The following CUX2 variants were observed in gnomAD, a reference collection of about 807,000 sequenced individuals.
CUX2 encodes the protein cut like homeobox 2, also known as homeobox protein cut-like 2.
CUX2 carries 40 observed loss-of-function variants against 144.8 expected under a neutral mutation model. That is an observed-to-expected ratio of 0.28 (90% CI 0.21 to 0.36). The LOEUF (loss-of-function observed/expected upper bound fraction) is 0.36. Among genes scored for constraint, CUX2 ranks in the 10% least tolerant of loss-of-function variants. The pLI is 1.00. For missense variants in CUX2, 1,615 were observed against 1,994.0 expected (o/e 0.81, Z 3.62); for synonymous variants, 827 against 875.6 (o/e 0.94, Z 0.98).
At position 111,255,118 on chromosome 12, in the gene CUX2, T is replaced by C. The variant is rs762427373; in HGVS notation, c.223-8643T>C. Among the ~76,000 whole-genome samples, 1 of 152,204 alleles carries C rather than the reference T, an allele frequency of 6.6e-6. No homozygotes were observed. Among genetic ancestry groups the C allele is most frequent in the Non-Finnish European group, 1.5e-5 (1 of 68,036 alleles). ...TCCCAAAGTGCTGGGATTACAGGCG[T>C]GAGCCACCGCACCCAACCTTAATCA... On this transcript the variant is annotated intron_variant, in intron 3 of 21. Transcript: ENST00000261726. This position sits in a 1 kb window ranked among gnomAD's most constrained non-coding sequence, Gnocchi z 4.1.
chr12:111,142,625 T>C (rs1479606942), intron 1 of CUX2, among the ~76,000 whole-genome samples: 3 of 152,130 alleles, frequency 2.0e-5, no homozygotes, highest in Admixed American at 6.5e-5. Context: ...TTTTTCCTTA[T>C]GAGAAGTGCT....
At chr12:111,045,694 G>A (rs990721403) in intron 1 of CUX2, among the ~76,000 whole-genome samples, 1 of 152,174 alleles carries the variant, frequency 6.6e-6, no homozygotes, top group African/African-American at 2.4e-5. Context: ...CGCTGGGCTC[G>A]GAGCAGTCAG....
intron 1 of CUX2, among the ~76,000 whole-genome samples, chr12:111,108,453 T>C (rs1205444651): frequency 6.6e-6 from 1 of 152,228 alleles, no homozygotes; most frequent in African/African-American, 2.4e-5. Flanking sequence ...ATTGCTATGG[T>C]GTTTGCCAAA....
At chr12:111,252,009 A>C (rs1883585710) in intron 3 of CUX2, among the ~76,000 whole-genome samples, 4 of 151,960 alleles carry the variant, frequency 2.6e-5, no homozygotes, top group Non-Finnish European at 4.4e-5. Flanking sequence ...GCAAGACCCC[A>C]CCTCTACAAA....
chr12:111,040,872 A>G (rs1264636094), intron 1 of CUX2, among the ~76,000 whole-genome samples: 3 of 152,318 alleles, frequency 2.0e-5, no homozygotes, highest in African/African-American at 7.2e-5. Context: ...ATTTATACAA[A>G]CAGGCAGGGG....
Position 111,299,886 on chromosome 12 carries a change from G to T in CUX2, c.753+1297G>T, listed in dbSNP as rs1293125927. On this transcript the variant is annotated intron_variant, in intron 9 of 21. Transcript: ENST00000261726. The stretch of plus-strand genomic sequence containing the variant: ...CAAGCCCACGAATATATCTTTTTGT[G>T]GGGGGCAAGGGGGACAGGGTCATAC... Among the ~76,000 whole-genome samples, 7 of 151,988 alleles carry T rather than the reference G, an allele frequency of 4.6e-5. No homozygotes were observed. In the South Asian group the frequency reaches 1.0e-3, roughly 22 times the overall value.
chr12:111,041,901 G>A lies in CUX2; in HGVS notation c.63+7661G>A, dbSNP rs146647790. Among the ~76,000 whole-genome samples the A allele has an allele frequency of 6.6e-5, 10 of 152,276 alleles. No homozygotes were observed. In the East Asian group the frequency reaches 9.6e-4, roughly 15 times the overall value. On this transcript the variant is annotated intron_variant, in intron 1 of 21. Coordinates refer to ENST00000261726, the MANE Select transcript of CUX2 (RefSeq NM_015267.4). Reference sequence around the variant, plus strand: ...TCCTGACCAATGCATGAAGATACCCGGTTAGTAGGGTTCAGAGCCTGCTGT... The same window carrying A: ...TCCTGACCAATGCATGAAGATACCCAGTTAGTAGGGTTCAGAGCCTGCTGT...
chr12:111,310,869 C>T lies in CUX2; in HGVS notation c.1900+187C>T, dbSNP rs1886864247. Among the ~76,000 whole-genome samples the T allele has an allele frequency of 6.6e-6, 1 of 152,240 alleles. No individual in the cohort carries two copies. Among genetic ancestry groups the T allele is most frequent in the Non-Finnish European group, 1.5e-5 (1 of 68,040 alleles). On this transcript the variant is annotated intron_variant, in intron 15 of 21. Coordinates refer to ENST00000261726, the MANE Select transcript of CUX2 (RefSeq NM_015267.4). This position sits in a 1 kb window ranked among gnomAD's most constrained non-coding sequence, Gnocchi z 7.9. ...CCCTCTGTAAAAGCAGGAAATACAT[C>T]CTCGCTCTCTCCTTCCTGGCCCTGG...
chr12:111,331,644 T>C (rs781746987), intron 18 of CUX2, among the ~76,000 whole-genome samples: 1 of 152,108 alleles, frequency 6.6e-6, no homozygotes. Context: ...CCAAGTAGTA[T>C]GTATAATGCT....
chr12:111,337,264 G>C (rs1055889738), intron 19 of CUX2, among the ~76,000 whole-genome samples: 1 of 150,412 alleles, frequency 6.6e-6, no homozygotes, highest in African/African-American at 2.5e-5. Flanking sequence ...GAGGTGGGAG[G>C]ATCACTTGAA....
Position 111,298,545 on chromosome 12 carries a change from G to A in CUX2, c.709G>A (p.Asp237Asn). 6.3e-7 allele frequency: 1 copy of A among 1,579,206 alleles called. No individual in the cohort carries two copies. The highest frequency in any genetic ancestry group is 8.6e-7 in the Non-Finnish European group (1 of 1,161,998). Residue 237 changes from aspartate to asparagine, a missense_variant, in exon 9 of 22, where the codon GAT becomes AAT. Physicochemically the swap from Asp to Asn is conservative, Grantham distance 23. This residue lies in a region of CUX2 where 295 missense variants were observed against 400.2 expected (regional missense o/e 0.74). Coordinates refer to ENST00000261726, the MANE Select transcript of CUX2 (RefSeq NM_015267.4). ...GGCCTCATCTTTGTGTCTCAGGGCAGATGAAGTCGGCCTGATCATGACCAA... is the reference window on the plus strand; with the variant it reads ...GGCCTCATCTTTGTGTCTCAGGGCAAATGAAGTCGGCCTGATCATGACCAA... ...KYDEEAASKADEVGLIMTNLE... is the reference protein window; with the variant it reads ...KYDEEAASKANEVGLIMTNLE...
intron 1 of CUX2, among the ~76,000 whole-genome samples, chr12:111,090,557 G>A (rs774914755): frequency 4.5e-4 from 69 of 152,038 alleles, no homozygotes; most frequent in African/African-American, 1.5e-3. Context: ...GAGCCACTGC[G>A]CCCGGCCTGC....
chr12:111,121,369 C>CTTTTTTTTTTTTTTTTTTTTT (rs5800920), intron 1 of CUX2, among the ~76,000 whole-genome samples: 7 of 59,050 alleles, frequency 1.2e-4, no homozygotes, highest in Non-Finnish European at 1.6e-4. Flanking sequence ...TTTCTTTTTT[C>CTTTTTTTTTTTTTTTTTTTTT]TTTTTTTTTT....
intron 3 of CUX2, among the ~76,000 whole-genome samples, chr12:111,254,247 G>T (rs1802548699): frequency 6.6e-6 from 1 of 151,944 alleles, no homozygotes; most frequent in Non-Finnish European, 1.5e-5. Context: ...ACAAATCAGG[G>T]TGCCTGGTGC....
chr12:111,113,778 A>G (rs1411103989), intron 1 of CUX2, among the ~76,000 whole-genome samples: 1 of 152,180 alleles, frequency 6.6e-6, no homozygotes, highest in East Asian at 1.9e-4. Flanking sequence ...GCTGGTCTCG[A>G]ACCCGTGACC....
At chr12:111,134,620 C>CTCTCTCTGTGTGTG (rs1026548098) in intron 1 of CUX2, among the ~76,000 whole-genome samples, 3 of 142,208 alleles carry the variant, frequency 2.1e-5, no homozygotes, top group African/African-American at 8.3e-5. Context: ...CTCTCTCTCT[C>CTCTCTCTGTGTGTG]TGTGTGTGTG....
At chr12:111,113,394 C>T (rs528804655) in intron 1 of CUX2, among the ~76,000 whole-genome samples, 8 of 152,168 alleles carry the variant, frequency 5.3e-5, no homozygotes, top group East Asian at 1.9e-4. Context: ...CATCACCCCC[C>T]GAAATTTCCT....
intron 3 of CUX2, among the ~76,000 whole-genome samples, chr12:111,242,983 T>C (rs748347174): frequency 2.6e-5 from 4 of 152,196 alleles, no homozygotes; most frequent in Non-Finnish European, 4.4e-5. Context: ...GTTAGTTTGC[T>C]GAATATGATG....
chr12:111,334,497 G>C lies in CUX2; in HGVS notation c.2983G>C (p.Glu995Gln), dbSNP rs745346929. The C allele has an allele frequency of 2.0e-5, 32 of 1,612,718 alleles. No homozygotes were observed. The highest frequency in any genetic ancestry group is 1.2e-4 in the South Asian group (11 of 91,008). Residue 995 changes from glutamate (E) to glutamine (Q), a missense_variant, in exon 19 of 22, where the codon GAG becomes CAG. Physicochemically the swap from Glu to Gln is conservative, Grantham distance 29. Around this residue, in one of 12 missense-constraint regions of CUX2, gnomAD observed 128 missense variants for 124.4 expected, o/e 1.03. Transcript: ENST00000261726. ...PSPPPSPTEP[E>Q]KSSQEPLSLS... Reference sequence around the variant, plus strand: ...CCCACCCCCCAGCCCCACAGAGCCTGAGAAGAGCTCCCAGGAGCCGTTGAG... The same window carrying C: ...CCCACCCCCCAGCCCCACAGAGCCTCAGAAGAGCTCCCAGGAGCCGTTGAG...
Sources: gnomAD v4.1 joint callset for allele counts (sites outside exome capture counted in the v4.1 genomes callset) on GRCh38, gnomAD v4.1.1 for gene constraint, gnomAD v4.1.1 regional missense constraint, Gnocchi (gnomAD v3.1) non-coding constraint, MANE v1.5 for transcripts, NCBI Gene and HGNC (gene_info 2026-07-23, HGNC 2026-07-21) for gene names.